The following ARL6IP4 variants were observed in gnomAD, a reference collection of about 807,000 sequenced individuals.
ARL6IP4 encodes the protein ADP-ribosylation factor-like protein 6-interacting protein 4.
In ARL6IP4, 24 loss-of-function variants were observed where a neutral mutation model predicts 28.1. That is an observed-to-expected ratio of 0.86 (90% CI 0.62 to 1.20). The LOEUF (loss-of-function observed/expected upper bound fraction) is 1.20. Among genes scored for constraint, ARL6IP4 ranks in the 50% most tolerant of loss-of-function variants. The pLI is 0.00. For missense variants in ARL6IP4, 343 were observed against 302.4 expected (o/e 1.13, Z -1.00); for synonymous variants, 162 against 122.3 (o/e 1.32, Z -2.14).
chr12:122,980,592 C>G (rs747457503), upstream of ARL6IP4: 21 of 1,391,762 alleles, frequency 1.5e-5, no homozygotes, highest in South Asian at 3.0e-4. Flanking sequence ...TGGGCGCGCC[C>G]GGGACGGAAC....
chr12:122,981,674 TTCCTCCTCGTCC>T lies in ARL6IP4; in HGVS notation c.273_284del (p.Ser95_Ser98del). On this transcript the variant is annotated inframe_deletion, in exon 3 of 6. Coordinates refer to ENST00000315580, the MANE Select transcript of ARL6IP4 (RefSeq NM_018694.4). ...CTTCCAGTTCTTCTAGCTCCTCTTC[TTCCTCCTCGTCC>T]TCCTCCTCTTCCTCCAGTGATGGCC... 6.4e-7 allele frequency: 1 copy of T among 1,554,482 alleles called. No homozygotes were observed. The highest frequency in any genetic ancestry group is 8.7e-7 in the Non-Finnish European group (1 of 1,148,786).
intron 2 of ARL6IP4, 70 bp downstream of exon 2, chr12:122,981,369 G>A: frequency 6.7e-7 from 1 of 1,489,868 alleles, no homozygotes; most frequent in Non-Finnish European, 9.0e-7. Context: ...GCAGTGGTCG[G>A]GGACGCTCAG....
At chr12:122,982,202 AC>A in intron 4 of ARL6IP4, 128 bp downstream of exon 4, 1 of 1,088,956 alleles carries the variant, frequency 9.2e-7, no homozygotes. Context: ...GGGCAAAAAT[AC>A]GGTCACTTGG....
chr12:122,981,212 A>G lies in ARL6IP4; in HGVS notation c.73A>G (p.Lys25Glu). The change falls in exon 2 of 6, where the codon AAG (lysine) becomes GAG (glutamate). Residue 25 changes from lysine to glutamate, a missense_variant. By Grantham distance (56) the Lys-to-Glu change is moderately conservative. Transcript: ENST00000315580. ...CCGGGGACGGGGGTCGGAAAAGAGA[A>G]AGAAGAAGAGCAGGAAAGACACCTC... ...RSRGRGSEKR[K>E]KKSRKDTSRN... is the part of the protein sequence containing the mutation. 1.3e-6 allele frequency: 2 copies of G among 1,549,762 alleles called. No homozygotes were observed. Among genetic ancestry groups the G allele is most frequent in the African/African-American group, 1.4e-5 (1 of 73,062 alleles).
chr12:122,981,829 C>A lies in ARL6IP4; in HGVS notation c.419C>A (p.Pro140His), dbSNP rs1216369127. 1 of 1,609,112 alleles carries A rather than the reference C, an allele frequency of 6.2e-7. No homozygotes were observed. Among genetic ancestry groups the A allele is most frequent in the South Asian group, 1.1e-5 (1 of 90,332 alleles). Reference protein sequence around the residue: ...EAQQVEALPGPSLDQWHRSAG... With the variant: ...EAQQVEALPGHSLDQWHRSAG... The stretch of plus-strand genomic sequence containing the variant: ...CAGCAGGTGGAGGCTCTGCCGGGCC[C>A]CTCGCTGGACCAGTGGCACCGATCA... The change falls in exon 3 of 6, where the codon CCC becomes CAC. Residue 140 changes from proline to histidine, a missense_variant. Physicochemically the swap from Pro to His is moderately conservative, Grantham distance 77 (BLOSUM62 -2). Coordinates refer to ENST00000315580, the MANE Select transcript of ARL6IP4 (RefSeq NM_018694.4).
In ARL6IP4 at chr12:122,981,134, G is replaced by A. The variant is rs529855144; in HGVS notation, c.-6G>A. The A allele has an allele frequency of 1.9e-6, 3 of 1,547,794 alleles. No homozygotes were observed. The highest frequency in any genetic ancestry group is 8.7e-7 in the Non-Finnish European group (1 of 1,145,910). On this transcript the variant is annotated 5_prime_UTR_variant, in exon 2 of 6. Coordinates refer to ENST00000315580, the MANE Select transcript of ARL6IP4 (RefSeq NM_018694.4). Reference sequence around the variant, plus strand: ...CGCGTCTTCTTCGTCGCCAGCCCGCGGCGCCATGGCTCACGTCGGCTCCCG... The same window carrying A: ...CGCGTCTTCTTCGTCGCCAGCCCGCAGCGCCATGGCTCACGTCGGCTCCCG...
intron 5 of ARL6IP4, 28 bp from the exon 6 acceptor site, chr12:122,982,592 C>CCCT: frequency 7.4e-6 from 12 of 1,614,130 alleles, no homozygotes; most frequent in Non-Finnish European, 1.0e-5. Flanking sequence ...TGTGATGTAC[C>CCCT]CCTCCTCCTG....
rs1420735455 is a variant in ARL6IP4, at chr12:122,981,574, C to T, written c.164C>T (p.Ser55Leu). Residue 55 changes from serine to leucine, a missense_variant, in exon 3 of 6, where the codon TCA (serine) becomes TTA (leucine). By Grantham distance (145) the Ser-to-Leu change is moderately radical. Coordinates refer to ENST00000315580, the MANE Select transcript of ARL6IP4 (RefSeq NM_018694.4). ...KASTAPGAEASPSPCITERSK... is the reference protein window; with the variant it reads ...KASTAPGAEALPSPCITERSK... ...TCTTCCCCTCCTGGCCTTCCAGCCT[C>T]ACCTTCTCCCTGCATCACAGAGAGA... 3 of 1,547,326 alleles carry T rather than the reference C, an allele frequency of 1.9e-6. No individual in the cohort carries two copies. The highest frequency in any genetic ancestry group is 2.6e-6 in the Non-Finnish European group (3 of 1,147,620).
Position 122,981,898 on chromosome 12 carries a change from CCTGAGAGGGAGA to C in ARL6IP4, c.469+20_469+31del. The C allele has an allele frequency of 6.2e-7, 1 of 1,613,368 alleles. No homozygotes were observed. The stretch of plus-strand genomic sequence containing the variant: ...GGCCCAGGTACTGTGCTGCCCAGCA[CCTGAGAGGGAGA>C]AGGTCGCTTCCCAAGGCCTGGCCAC... On this transcript the variant is annotated intron_variant, in intron 3 of 5. Coordinates refer to ENST00000315580, the MANE Select transcript of ARL6IP4 (RefSeq NM_018694.4).
chr12:122,980,467 T>C (rs1223451827), upstream of ARL6IP4: 4 of 1,361,912 alleles, frequency 2.9e-6, no homozygotes, highest in South Asian at 5.9e-5. Flanking sequence ...GGGGCGTGGG[T>C]GCTGCGGGCG....
In ARL6IP4 at chr12:122,981,177, G is replaced by T. The variant is rs1453328357; in HGVS notation, c.38G>T (p.Arg13Leu). The stretch of plus-strand genomic sequence containing the variant: ...GGCTCCCGCAAGCGCTCGAGGAGTC[G>T]CAGCCGGTCCCGGGGACGGGGGTCG... ...HVGSRKRSRS[R>L]SRSRGRGSEK... is the part of the protein sequence containing the mutation. Residue 13 changes from arginine (R) to leucine (L), a missense_variant, in exon 2 of 6, where the codon CGC becomes CTC. Arg to Leu is a moderately radical substitution (Grantham distance 102). Coordinates refer to ENST00000315580, the MANE Select transcript of ARL6IP4 (RefSeq NM_018694.4). 3.9e-6 allele frequency: 6 copies of T among 1,549,492 alleles called. No homozygotes were observed. Among genetic ancestry groups the T allele is most frequent in the Non-Finnish European group, 5.2e-6 (6 of 1,146,690 alleles).
rs781416302 is a variant in ARL6IP4, at chr12:122,981,965, G to T, written c.478G>T (p.Asp160Tyr). 9.3e-6 allele frequency: 15 copies of T among 1,613,642 alleles called. No individual in the cohort carries two copies. Among genetic ancestry groups the T allele is most frequent in the African/African-American group, 2.7e-5 (2 of 74,918 alleles). ...TCCGTCTTCCCTTCCAGTCCTGACG[G>T]ATGAGCAGAAGTCCCGAATCCAGGC... is the stretch of plus-strand genomic sequence containing the variant. ...GEEEDGPVLT[D>Y]EQKSRIQAMK... Residue 160 changes from aspartate to tyrosine, a missense_variant, in exon 4 of 6, where the codon GAT becomes TAT. Coordinates refer to ENST00000315580, the MANE Select transcript of ARL6IP4 (RefSeq NM_018694.4).
intron 1 of ARL6IP4, 32 bp downstream of exon 1, chr12:122,980,777 G>A: frequency 7.7e-7 from 1 of 1,304,206 alleles, no homozygotes; most frequent in Non-Finnish European, 9.7e-7. Flanking sequence ...GGGCCCCCTT[G>A]AGGCGGCGAG....
chr12:122,981,846 C>T lies in ARL6IP4; in HGVS notation c.436C>T (p.His146Tyr). Residue 146 changes from histidine to tyrosine, a missense_variant, in exon 3 of 6, where the codon CAC becomes TAC. Coordinates refer to ENST00000315580, the MANE Select transcript of ARL6IP4 (RefSeq NM_018694.4). ...ALPGPSLDQW[H>Y]RSAGEEEDGP... ...GCCGGGCCCCTCGCTGGACCAGTGG[C>T]ACCGATCAGCTGGGGAGGAAGAGGA... The T allele has an allele frequency of 3.1e-6, 5 of 1,610,446 alleles. No individual in the cohort carries two copies. The highest frequency in any genetic ancestry group is 4.2e-6 in the Non-Finnish European group (5 of 1,178,022).
chr12:122,982,511 C>G lies in ARL6IP4; in HGVS notation c.630C>G (p.Thr210=). ...GCGAGGTCCTAGAGGAAATCGTAAC[C>G]AAAGAACGACACAGAGAGATCAACA... ...GDGEVLEEIV[T]KERHREINKQ... is the part of the protein sequence containing the mutation. The change falls in exon 5 of 6, where the codon ACC becomes ACG. Residue 210 remains threonine, a synonymous_variant. Transcript: ENST00000315580. 1.9e-6 allele frequency: 3 copies of G among 1,614,120 alleles called. No individual in the cohort carries two copies. The South Asian group carries it at 3.3e-5, about 18-fold the overall frequency.
In ARL6IP4 at chr12:122,982,074, G is replaced by C. The variant is rs749053169; in HGVS notation, c.587G>C (p.Arg196Thr). 1 of 1,613,260 alleles carries C rather than the reference G, an allele frequency of 6.2e-7. No individual in the cohort carries two copies. The highest frequency in any genetic ancestry group is 1.3e-5 in the African/African-American group (1 of 75,064). The change falls in exon 4 of 6, where the codon AGG becomes ACG. Residue 196 changes from arginine to threonine, a missense_variant and splice_region_variant. Arg to Thr is a moderately conservative substitution (Grantham distance 71). Transcript: ENST00000315580. ...GTGGACCCTGAGACGGGGCGCACCA[G>C]GTGGGGAGCTTTCGGCCTGACTTAC... is the stretch of plus-strand genomic sequence containing the variant. ...KVVDPETGRT[R>T]LIKGDGEVLE...
rs574796701 is a variant in ARL6IP4, at chr12:122,982,042, C to T, written c.555C>T (p.Arg185=). Residue 185 remains arginine, a synonymous_variant, in exon 4 of 6, where the codon CGC becomes CGT. Transcript: ENST00000315580. ...EEWDARQSII[R]KVVDPETGRT... ...GGGATGCCCGGCAGAGCATCATCCG[C>T]AAGGTGGTGGACCCTGAGACGGGGC... is the stretch of plus-strand genomic sequence containing the variant. The T allele has an allele frequency of 1.2e-6, 2 of 1,613,606 alleles. No individual in the cohort carries two copies. The highest frequency in any genetic ancestry group is 2.2e-5 in the South Asian group (2 of 91,084).
intron 1 of ARL6IP4, 180 bp downstream of exon 1, chr12:122,980,925 C>CT (rs2037616629): frequency 7.3e-7 from 1 of 1,378,310 alleles, no homozygotes; most frequent in Admixed American, 3.6e-5. Flanking sequence ...GGGGCGGGCC[C>CT]TTAACAGGCA....
rs1375867953 is a variant in ARL6IP4 at position 122,982,502 on chromosome 12, A to G, written c.621A>G (p.Glu207=). 3 of 1,613,934 alleles carry G rather than the reference A, an allele frequency of 1.9e-6. No individual in the cohort carries two copies. Among genetic ancestry groups the G allele is most frequent in the South Asian group, 2.2e-5 (2 of 91,078 alleles). The change falls in exon 5 of 6, where the codon GAA becomes GAG. Residue 207 remains glutamate (E), a synonymous_variant. Transcript: ENST00000315580. ...AGGGAGATGGCGAGGTCCTAGAGGA[A>G]ATCGTAACCAAAGAACGACACAGAG... The part of the protein sequence containing the change: ...LIKGDGEVLE[E]IVTKERHREI...
Sources: allele counts gnomAD v4.1 joint callset, GRCh38; gene constraint gnomAD v4.1.1; transcripts MANE v1.5; gene names NCBI Gene and HGNC (gene_info 2026-07-23, HGNC 2026-07-21).